The following HMCN2 variants were observed in gnomAD, a reference collection of about 807,000 sequenced individuals.
The protein encoded by HMCN2 is hemicentin-2.
A neutral mutation model predicts 377.5 loss-of-function variants in HMCN2; 325 were observed. The observed-to-expected ratio is 0.86, with a 90% CI of 0.79 to 0.94. The LOEUF (loss-of-function observed/expected upper bound fraction) is 0.94. Ranked by LOEUF, HMCN2 falls within the 40% of genes least tolerant of loss-of-function variation. The probability of loss-of-function intolerance (pLI) is 0.00; values close to 1 mark genes in which losing one functional copy is unlikely to be tolerated. For synonymous variants in HMCN2, 2,007 were observed against 2,046.8 expected, an observed-to-expected ratio of 0.98 and a Z score of 0.53; for missense variants, 4,543 against 4,725.3, an observed-to-expected ratio of 0.96 and a Z score of 1.13.
Position 130,269,117 on chromosome 9 carries a change from G to A in HMCN2, c.259+2980G>A, listed in dbSNP as rs1323524070. On this transcript the variant is annotated intron_variant, in intron 1 of 97. Coordinates refer to ENST00000683500, the MANE Select transcript of HMCN2 (RefSeq NM_001291815.2). ...CCTAAACCCCAAGAGGCGGGTGCGGGGCAAATCGTGGCGGTTCTAGACTGT... is the reference window on the plus strand; with the variant it reads ...CCTAAACCCCAAGAGGCGGGTGCGGAGCAAATCGTGGCGGTTCTAGACTGT... Among the ~76,000 whole-genome samples the A allele has an allele frequency of 4.7e-5, 7 of 148,192 alleles. 2 individuals are homozygous for A. The highest frequency in any genetic ancestry group is 9.1e-5 in the Non-Finnish European group (6 of 66,072).
At chr9:130,287,362 G>A (rs1404409763) in intron 4 of HMCN2, among the ~76,000 whole-genome samples, 2 of 151,610 alleles carry the variant, frequency 1.3e-5, no homozygotes, top group Non-Finnish European at 2.9e-5. Context: ...CCCATTCTTC[G>A]AGCTCCTCCT....
intron 81 of HMCN2, among the ~76,000 whole-genome samples, 175 bp from the exon 82 acceptor site, chr9:130,405,780 A>AGGGCT (rs71387347): frequency 0.02 from 2,970 of 152,296 alleles, 44 homozygotes; most frequent in Middle Eastern, 0.037. Context: ...TGAATGCTGC[A>AGGGCT]GGGCTGGGCA....
At position 130,382,301 on chromosome 9, in the gene HMCN2, A is replaced by C; in HGVS notation, c.8545+4A>C. On this transcript the variant is annotated splice_donor_region_variant and intron_variant, in intron 55 of 97. Coordinates refer to ENST00000683500, the MANE Select transcript of HMCN2 (RefSeq NM_001291815.2). ...CACTACGAGCTGCTGGTGCTGAGTG[A>C]GTGGCGGGGCCTGCAGGTGGGGATT... 1.0e-6 allele frequency: 1 copy of C among 984,566 alleles called. No individual in the cohort carries two copies. The highest frequency in any genetic ancestry group is 1.2e-6 in the Non-Finnish European group (1 of 828,810). 61.0% of individuals were successfully genotyped at this position (984,566 alleles called of 1,614,324 possible).
chr9:130,399,528 C>A lies in HMCN2; in HGVS notation c.11501C>A (p.Ala3834Asp). ...QGAYRLLPSN[A>D]LLLTAPGPQD... is the part of the protein sequence containing the mutation. Reference sequence around the variant, plus strand: ...CACCCCAGGCTCCTGCCCTCCAACGCCCTGCTCCTCACGGCCCCCGGCCCC... The same window carrying A: ...CACCCCAGGCTCCTGCCCTCCAACGACCTGCTCCTCACGGCCCCCGGCCCC... Residue 3834 changes from alanine (A) to aspartate (D), a missense_variant, in exon 76 of 98, where the codon GCC becomes GAC. Physicochemically the swap from Ala to Asp is moderately radical, Grantham distance 126 (BLOSUM62 -2). This residue lies in a region of HMCN2 where 1,073 missense variants were observed against 1,319.5 expected (regional missense o/e 0.81). Coordinates refer to ENST00000683500, the MANE Select transcript of HMCN2 (RefSeq NM_001291815.2). 1 of 1,289,018 alleles carries A rather than the reference C, an allele frequency of 7.8e-7. No homozygotes were observed. The highest frequency in any genetic ancestry group is 1.0e-6 in the Non-Finnish European group (1 of 988,240). 79.8% of individuals were successfully genotyped at this position (1,289,018 alleles called of 1,614,324 possible). A position where few individuals can be genotyped will look rare whatever the true frequency, so the allele number is the denominator to read the frequency against.
chr9:130,337,035 C>T (rs1838789972), intron 22 of HMCN2, among the ~76,000 whole-genome samples: 1 of 152,200 alleles, frequency 6.6e-6, no homozygotes, highest in Non-Finnish European at 1.5e-5. Flanking sequence ...GTCCCCCACC[C>T]CCATGCTGGC....
intron 35 of HMCN2, 143 bp downstream of exon 35, chr9:130,358,131 C>A: frequency 1.3e-6 from 1 of 748,892 alleles, no homozygotes; most frequent in Non-Finnish European, 1.9e-6. Context: ...AAAGGGTGAG[C>A]CTCAGCCTCT....
In HMCN2 at chr9:130,403,336, C is replaced by T. The variant is rs1842941715; in HGVS notation, c.12013+8C>T. The T allele has an allele frequency of 7.8e-7, 1 of 1,289,738 alleles. No individual in the cohort carries two copies. The highest frequency in any genetic ancestry group is 1.0e-6 in the Non-Finnish European group (1 of 988,806). 79.9% of individuals were successfully genotyped at this position (1,289,738 alleles called of 1,614,324 possible). Reference sequence around the variant, plus strand: ...GGCTCAACGTCGCTACTGGTGAGGGCCCCTGGCAGCCAGCCTGGGAAGGGA... The same window carrying T: ...GGCTCAACGTCGCTACTGGTGAGGGTCCCTGGCAGCCAGCCTGGGAAGGGA... On this transcript the variant is annotated splice_region_variant and intron_variant, in intron 79 of 97. Transcript: ENST00000683500.
chr9:130,355,698 C>T, intron 32 of HMCN2, 48 bp from the exon 33 acceptor site: 1 of 1,135,352 alleles, frequency 8.8e-7, no homozygotes, highest in Non-Finnish European at 1.2e-6. Context: ...GGGTTTGAGG[C>T]CAGTGGCTGC....
At position 130,373,132 on chromosome 9, in the gene HMCN2, C is replaced by T. The variant is rs1233231025; in HGVS notation, c.7438+8C>T. 2 of 972,874 alleles carry T rather than the reference C, an allele frequency of 2.1e-6. No individual in the cohort carries two copies. The highest frequency in any genetic ancestry group is 2.4e-6 in the Non-Finnish European group (2 of 818,340). 60.3% of individuals were successfully genotyped at this position (972,874 alleles called of 1,614,324 possible). A position where few individuals can be genotyped will look rare whatever the true frequency, so the allele number is the denominator to read the frequency against. On this transcript the variant is annotated splice_region_variant and intron_variant, in intron 48 of 97. Transcript: ENST00000683500. ...TTATGTGCAACGTCACAGGTAAGGG[C>T]CACATGATGTGATGGGCTGGGAGAA...
At chr9:130,342,713 G>A (rs1839124503) in intron 25 of HMCN2, among the ~76,000 whole-genome samples, 1 of 152,166 alleles carries the variant, frequency 6.6e-6, no homozygotes, top group Non-Finnish European at 1.5e-5. Context: ...TGTGACCCCT[G>A]CCCTGCCCCC....
Position 130,305,567 on chromosome 9 carries a change from G to A in HMCN2, c.1817-562G>A, listed in dbSNP as rs7862466. The stretch of plus-strand genomic sequence containing the variant: ...CTTGAGTGGCTGCCAGAGTGTGTTG[G>A]GCAGGATTCTGAGGCTATGTCTAGG... On this transcript the variant is annotated intron_variant, in intron 11 of 97. Transcript: ENST00000683500. 5.5e-3 allele frequency among the ~76,000 whole-genome samples: 830 copies of A among 152,286 alleles called. 7 individuals carry two copies. The highest frequency in any genetic ancestry group is 0.019 in the African/African-American group (788 of 41,550).
chr9:130,413,234 C>T (rs1396055653), intron 85 of HMCN2, among the ~76,000 whole-genome samples: 5 of 152,196 alleles, frequency 3.3e-5, no homozygotes, highest in Non-Finnish European at 5.9e-5. Context: ...TTCAAATCTG[C>T]GTACCTTGAA....
intron 61 of HMCN2, among the ~76,000 whole-genome samples, chr9:130,387,207 A>G (rs1308433618): frequency 6.6e-6 from 1 of 152,256 alleles, no homozygotes; most frequent in Non-Finnish European, 1.5e-5. Context: ...TACACTGTCC[A>G]GGAAACTTGG....
intron 49 of HMCN2, among the ~76,000 whole-genome samples, chr9:130,374,964 G>C (rs1025270568): frequency 3.9e-5 from 6 of 152,178 alleles, no homozygotes; most frequent in African/African-American, 1.4e-4. Context: ...GAGGCTCAGA[G>C]AGGTGACAAG....
At chr9:130,274,278 A>G (rs1207528367) in intron 1 of HMCN2, among the ~76,000 whole-genome samples, 1 of 151,940 alleles carries the variant, frequency 6.6e-6, no homozygotes, top group Non-Finnish European at 1.5e-5. Context: ...CTGGTCTCGA[A>G]CTCCTGACCT....
chr9:130,403,624 C>G, intron 79 of HMCN2, 117 bp from the exon 80 acceptor site: 2 of 1,102,506 alleles, frequency 1.8e-6, no homozygotes, highest in South Asian at 1.5e-5. Context: ...GTCCCTTGGT[C>G]ATTCTGTGAC....
rs1843256642 is a variant in HMCN2 at position 130,408,920 on chromosome 9, T to G, written c.12866T>G (p.Ile4289Ser). The G allele has an allele frequency of 7.8e-7, 1 of 1,289,386 alleles. No homozygotes were observed. The highest frequency in any genetic ancestry group is 5.6e-5 in the East Asian group (1 of 18,010). The allele number at this position is 1,289,386 out of a possible 1,614,324, so 79.9% of individuals were successfully genotyped here. ...CAGCTGCAGAATGGCTCGCTGACCA[T>G]CCGCAGGACTGAGGCAAGGCGGGGC... is the stretch of plus-strand genomic sequence containing the variant. ...RHQLQNGSLT[I>S]RRTERDDAGR... Residue 4289 changes from isoleucine to serine, a missense_variant, in exon 84 of 98, where the codon ATC (isoleucine) becomes AGC (serine). Physicochemically the swap from Ile to Ser is moderately radical, Grantham distance 142 (BLOSUM62 -2). Around this residue, in one of 5 missense-constraint regions of HMCN2, gnomAD observed 1,155 missense variants for 1,157.7 expected, o/e 1.00. Coordinates refer to ENST00000683500, the MANE Select transcript of HMCN2 (RefSeq NM_001291815.2).
intron 26 of HMCN2, 190 bp from the exon 27 acceptor site, chr9:130,348,355 T>C: frequency 1.3e-6 from 1 of 780,870 alleles, no homozygotes; most frequent in South Asian, 5.8e-5. Context: ...ACTGGGGGTG[T>C]GTGGGTCCCA....
chr9:130,426,351 A>G (rs922256360), intron 90 of HMCN2, among the ~76,000 whole-genome samples: 1 of 152,230 alleles, frequency 6.6e-6, no homozygotes, highest in Non-Finnish European at 1.5e-5. Flanking sequence ...CTAAAGATAC[A>G]TACGTTCACA....
Sources: allele counts gnomAD v4.1 joint callset (sites outside exome capture counted in the v4.1 genomes callset), GRCh38; gene constraint gnomAD v4.1.1; regional missense constraint gnomAD v4.1.1; transcripts MANE v1.5; gene names NCBI Gene and HGNC (gene_info 2026-07-23, HGNC 2026-07-21).